Variants in RBL1 observed in about 807,000 individuals in gnomAD.
RBL1 encodes the protein RB transcriptional corepressor like 1.
A neutral mutation model predicts 123.0 loss-of-function variants in RBL1; 82 were observed. The observed-to-expected ratio is 0.67, with a 90% CI of 0.56 to 0.80. The LOEUF is 0.80. Ranked by LOEUF, RBL1 falls within the 30% of genes least tolerant of loss-of-function variation. RBL1 has a pLI of 0.00. For missense variants in RBL1, 1,171 were observed against 1,299.6 expected, an observed-to-expected ratio of 0.90 and a Z score of 1.52; for synonymous variants, 405 against 441.3, an observed-to-expected ratio of 0.92 and a Z score of 1.03.
At chr20:37,049,678 T>C (rs533469556) in intron 11 of RBL1, 2 of 748,222 alleles carry the variant, frequency 2.7e-6, no homozygotes, top group East Asian at 4.9e-5. Flanking sequence ...ATGTCTGACT[T>C]ACTGCTTCAA....
chr20:37,045,023 TTAA>T (rs763313151), intron 12 of RBL1, among the ~76,000 whole-genome samples: 107 of 152,172 alleles, frequency 7.0e-4, no homozygotes, highest in Non-Finnish European at 1.2e-3. Flanking sequence ...ACACAAAATA[TTAA>T]TAATATGATT....
At chr20:37,088,258 TC>T (rs2065583726) in intron 2 of RBL1, among the ~76,000 whole-genome samples, 1 of 108,246 alleles carries the variant, frequency 9.2e-6, no homozygotes, top group South Asian at 2.8e-4. Context: ...AGAGCAAAAC[TC>T]CATCTCAAAA....
chr20:37,088,904 T>C (rs2065600378), intron 2 of RBL1, 85 bp downstream of exon 2: 2 of 905,058 alleles, frequency 2.2e-6, no homozygotes, highest in East Asian at 6.1e-5. Flanking sequence ...AAAAATTAAA[T>C]GAAGTCAAAT....
chr20:37,022,657 A>G lies in RBL1; in HGVS notation c.2552T>C (p.Met851Thr), dbSNP rs2064359568. The G allele has an allele frequency of 3.1e-6, 5 of 1,608,720 alleles. No homozygotes were observed. Among genetic ancestry groups the G allele is most frequent in the African/African-American group, 1.3e-5 (1 of 74,698 alleles). The change falls in exon 17 of 22, where the codon ATG becomes ACG. Residue 851 changes from methionine to threonine, a missense_variant. Physicochemically the swap from Met to Thr is moderately conservative, Grantham distance 81. Transcript: ENST00000373664. ...DQLLLCAFYI[M>T]AKVTKEERTF... ...TCCCAATTTATACATTACCTTTGCC[A>G]TGATATAAAAGGCACAAAGGAGGAG... is the stretch of plus-strand genomic sequence containing the variant.
intron 13 of RBL1, among the ~76,000 whole-genome samples, chr20:37,042,901 C>CG (rs1454040901): frequency 9.1e-6 from 1 of 110,102 alleles, no homozygotes; most frequent in Admixed American, 8.8e-5. Flanking sequence ...CTTGTCCCCC[C>CG]CCCTCCAAAA....
At chr20:37,012,001 TGCAGGCGC>T (rs1229603799) in intron 19 of RBL1, among the ~76,000 whole-genome samples, 1 of 152,216 alleles carries the variant, frequency 6.6e-6, no homozygotes, top group Non-Finnish European at 1.5e-5. Context: ...TGCCTGCGAT[TGCAGGCGC>T]GCGCTGTCAC....
chr20:37,007,293 G>A, intron 20 of RBL1, 118 bp downstream of exon 20: 1 of 1,055,856 alleles, frequency 9.5e-7, no homozygotes, highest in Non-Finnish European at 1.4e-6. Context: ...TAAGTTACTG[G>A]ACATGCTCTG....
chr20:37,072,862 T>C lies in RBL1; in HGVS notation c.291-4676A>G, dbSNP rs551424630. Among the ~76,000 whole-genome samples the C allele has an allele frequency of 2.0e-5, 3 of 152,338 alleles. No individual in the cohort carries two copies. In the East Asian group the frequency reaches 5.8e-4, roughly 29 times the overall value. On this transcript the variant is annotated intron_variant, in intron 2 of 21. Transcript: ENST00000373664. ...TGTGTGGCCAGCATCCTTTTGTTCC[T>C]GGCCTTTTCTAAGCGTAGTTTTCTT...
chr20:37,038,046 C>G (rs1481957566), intron 14 of RBL1, among the ~76,000 whole-genome samples: 1 of 134,778 alleles, frequency 7.4e-6, no homozygotes, highest in Non-Finnish European at 1.5e-5. Context: ...GGCTGGAGTA[C>G]AGTGGTGCGA....
At chr20:37,090,540 T>C (rs1316980292) in intron 1 of RBL1, among the ~76,000 whole-genome samples, 1 of 152,164 alleles carries the variant, frequency 6.6e-6, no homozygotes, top group Non-Finnish European at 1.5e-5. Flanking sequence ...TTAATATTAA[T>C]CTTACGCAAC....
chr20:37,056,157 C>G lies in RBL1; in HGVS notation c.1352G>C (p.Gly451Ala). The G allele has an allele frequency of 6.2e-7, 1 of 1,607,498 alleles. No homozygotes were observed. Among genetic ancestry groups the G allele is most frequent in the Non-Finnish European group, 8.5e-7 (1 of 1,179,030 alleles). The change falls in exon 10 of 22, where the codon GGA becomes GCA. Residue 451 changes from glycine (G) to alanine (A), a missense_variant. Transcript: ENST00000373664. ...TTTTCTTTTCTTACCTATGTGAGAT[C>G]CTGGCTGTTCATCTGTTGATTGAGT... The part of the protein sequence containing the change: ...HYTQSTDEQP[G>A]SHIDFAVNRL...
At chr20:37,008,285 G>T (rs1435607658) in intron 19 of RBL1, among the ~76,000 whole-genome samples, 1 of 152,170 alleles carries the variant, frequency 6.6e-6, no homozygotes, top group Non-Finnish European at 1.5e-5. Context: ...ATTCTAAAAG[G>T]TAAAGCATAT....
intron 9 of RBL1, among the ~76,000 whole-genome samples, 167 bp from the exon 10 acceptor site, chr20:37,056,425 G>A (rs955182278): frequency 7.1e-6 from 1 of 141,764 alleles, no homozygotes; most frequent in African/African-American, 2.6e-5. Context: ...TGCGATCTCA[G>A]TTCACTGCAA....
intron 18 of RBL1, among the ~76,000 whole-genome samples, chr20:37,018,571 C>A (rs774354367): frequency 2.6e-5 from 4 of 152,116 alleles, no homozygotes; most frequent in Non-Finnish European, 5.9e-5. Context: ...GAAGAGCCTA[C>A]CATCTAAGAT....
intron 11 of RBL1, among the ~76,000 whole-genome samples, chr20:37,047,909 G>T (rs1199185761): frequency 6.6e-6 from 1 of 152,092 alleles, no homozygotes; most frequent in Admixed American, 6.6e-5. Context: ...AAACCTGTGA[G>T]GCAGAGGTTG....
At chr20:37,051,590 T>TTTCTATAC (rs2064914694) in intron 11 of RBL1, among the ~76,000 whole-genome samples, 1 of 152,088 alleles carries the variant, frequency 6.6e-6, no homozygotes. Context: ...TGAGGTAAGA[T>TTTCTATAC]TTCTATACTT....
chr20:37,001,769 T>A (rs888314432), intron 21 of RBL1, among the ~76,000 whole-genome samples: 76 of 109,212 alleles, frequency 7.0e-4, no homozygotes, highest in African/African-American at 1.2e-3. Flanking sequence ...AGAAAAAAAA[T>A]GGAAAAAAAA....
At chr20:37,060,959 A>G in intron 9 of RBL1, 144 bp downstream of exon 9, 1 of 930,518 alleles carries the variant, frequency 1.1e-6, no homozygotes, top group South Asian at 2.3e-5. Flanking sequence ...TTTTAGGTCA[A>G]TATATTTTGT....
chr20:37,000,902 G>T (rs1344341510), intron 21 of RBL1, among the ~76,000 whole-genome samples: 4 of 143,306 alleles, frequency 2.8e-5, no homozygotes, highest in Non-Finnish European at 3.1e-5. Context: ...GAGGTGGGGG[G>T]GTCAGCCCCC....
Sources: gnomAD v4.1 joint callset for allele counts (sites outside exome capture counted in the v4.1 genomes callset) on GRCh38, gnomAD v4.1.1 for gene constraint, MANE v1.5 for transcripts, NCBI Gene and HGNC (gene_info 2026-07-23, HGNC 2026-07-21) for gene names.